PRKG1: variants seen among roughly 807,000 people sequenced by gnomAD.
The protein encoded by PRKG1 is protein kinase cGMP-dependent 1, also known as cGMP-dependent protein kinase 1.
A neutral mutation model predicts 88.1 loss-of-function variants in PRKG1; 35 were observed. The ratio of observed to expected loss-of-function variants is 0.40; its 90% CI spans 0.30 to 0.53. PRKG1 has a LOEUF of 0.53. Among genes scored for constraint, PRKG1 ranks in the 20% least tolerant of loss-of-function variants. PRKG1 has a pLI of 0.59. For missense variants in PRKG1, 540 were observed against 839.8 expected (o/e 0.64, Z 4.41); for synonymous variants, 303 against 292.5 (o/e 1.04, Z -0.37).
rs761254498 is a variant in PRKG1 at position 51,944,899 on chromosome 10, T to C, written c.762+37329T>C. Among the ~76,000 whole-genome samples, 1,243 of 151,880 alleles carry C rather than the reference T, an allele frequency of 8.2e-3. 6 individuals carry two copies. The highest frequency in any genetic ancestry group is 0.011 in the Non-Finnish European group (752 of 67,984). ...AGTATGTGGTCAGTTTTGGAATAGGTGTGGTGTGGTGCTGAAAAAAATGTA... is the reference window on the plus strand; with the variant it reads ...AGTATGTGGTCAGTTTTGGAATAGGCGTGGTGTGGTGCTGAAAAAAATGTA... On this transcript the variant is annotated intron_variant, in intron 5 of 17. Transcript: ENST00000373980.
chr10:51,087,802 G>A (rs912634818), intron 1 of PRKG1, among the ~76,000 whole-genome samples: 7 of 152,144 alleles, frequency 4.6e-5, no homozygotes, highest in African/African-American at 1.7e-4. Flanking sequence ...TCTCACTCTA[G>A]TGACCAGGAT....
Position 52,296,161 on chromosome 10 carries a change from A to T in PRKG1, c.*2261A>T, listed in dbSNP as rs561557069. 6.6e-6 allele frequency: 1 copy of T among 152,050 alleles called. No homozygotes were observed. Among genetic ancestry groups the T allele is most frequent in the Non-Finnish European group, 1.5e-5 (1 of 67,922 alleles). The allele number at this position is 152,050 out of a possible 1,614,324, so 9.4% of individuals were successfully genotyped here. A position where few individuals can be genotyped will look rare whatever the true frequency, so the allele number is the denominator to read the frequency against. ...GCTAGAATACTAAATTTACCTTGTT[A>T]TTTGGAAAGAGAATCTGCTCCTATA... On this transcript the variant is annotated 3_prime_UTR_variant, in exon 18 of 18. Transcript: ENST00000373980.
intron 1 of PRKG1, among the ~76,000 whole-genome samples, chr10:51,116,813 C>CG (rs1845133617): frequency 6.6e-6 from 1 of 152,026 alleles, no homozygotes; most frequent in African/African-American, 2.4e-5. Flanking sequence ...TATTGAACAG[C>CG]GGGGGAATTC....
At chr10:51,855,198 CTCTA>C (rs1840649691) in intron 4 of PRKG1, among the ~76,000 whole-genome samples, 1 of 152,146 alleles carries the variant, frequency 6.6e-6, no homozygotes, top group African/African-American at 2.4e-5. Flanking sequence ...CTGCTGTACT[CTCTA>C]TCTTTCAGCC....
At chr10:51,330,104 C>G (rs544457761) in intron 2 of PRKG1, among the ~76,000 whole-genome samples, 8 of 118,970 alleles carry the variant, frequency 6.7e-5, no homozygotes, top group African/African-American at 2.6e-4. Flanking sequence ...TACATTTGCT[C>G]TTTTATTTAT....
chr10:51,763,411 C>T (rs972042725), intron 3 of PRKG1, among the ~76,000 whole-genome samples: 4 of 151,634 alleles, frequency 2.6e-5, no homozygotes, highest in African/African-American at 9.7e-5. Flanking sequence ...AATTTAAAAA[C>T]TACACAGCTA....
At chr10:51,190,103 TAAC>T (rs1361877731) in intron 2 of PRKG1, among the ~76,000 whole-genome samples, 1 of 151,994 alleles carries the variant, frequency 6.6e-6, no homozygotes, top group African/African-American at 2.4e-5. Flanking sequence ...AGTTCATACG[TAAC>T]AACATTGTTG....
chr10:51,314,956 A>G (rs1260534752), intron 2 of PRKG1, among the ~76,000 whole-genome samples: 1 of 152,180 alleles, frequency 6.6e-6, no homozygotes, highest in African/African-American at 2.4e-5. Flanking sequence ...ATTTTTCCAA[A>G]ACAACTGTAA....
At chr10:51,809,802 A>G (rs772557067) in intron 4 of PRKG1, among the ~76,000 whole-genome samples, 1 of 152,028 alleles carries the variant, frequency 6.6e-6, no homozygotes, top group Non-Finnish European at 1.5e-5. Flanking sequence ...ATATCTTCCC[A>G]TCACTCCTAG....
chr10:52,067,762 C>A, intron 7 of PRKG1, among the ~76,000 whole-genome samples: 1 of 151,182 alleles, frequency 6.6e-6, no homozygotes. Flanking sequence ...TTATACACAC[C>A]AAAGAGAGGG....
chr10:52,150,736 A>G (rs1025405300), intron 8 of PRKG1, among the ~76,000 whole-genome samples: 4 of 152,214 alleles, frequency 2.6e-5, no homozygotes, highest in African/African-American at 9.6e-5. Flanking sequence ...GTCTACTAAA[A>G]CAGATACCTT....
intron 3 of PRKG1, among the ~76,000 whole-genome samples, chr10:51,591,082 A>G (rs1018341327): frequency 1.3e-5 from 2 of 152,324 alleles, no homozygotes; most frequent in Admixed American, 1.3e-4. Flanking sequence ...CACAAGGAAC[A>G]GTAGAAACAA....
chr10:52,262,298 G>C (rs1589742557), intron 10 of PRKG1, among the ~76,000 whole-genome samples: 1 of 151,992 alleles, frequency 6.6e-6, no homozygotes, highest in East Asian at 1.9e-4. Flanking sequence ...TTGAGATAGA[G>C]TCTTGCTCTG....
intron 3 of PRKG1, among the ~76,000 whole-genome samples, chr10:51,796,889 T>A (rs138506471): frequency 6.6e-6 from 1 of 152,078 alleles, no homozygotes; most frequent in Admixed American, 6.6e-5. Context: ...AATACCCGCT[T>A]ATGTGTCTAT....
intron 2 of PRKG1, among the ~76,000 whole-genome samples, chr10:51,386,862 T>A (rs1837265423): frequency 6.6e-6 from 1 of 152,202 alleles, no homozygotes; most frequent in Non-Finnish European, 1.5e-5. Flanking sequence ...AATGGTTACC[T>A]GCTTTGGAAT....
intron 9 of PRKG1, among the ~76,000 whole-genome samples, chr10:52,166,456 C>T (rs1461698188): frequency 5.2e-5 from 6 of 115,318 alleles, no homozygotes; most frequent in Non-Finnish European, 8.4e-5. Flanking sequence ...TTTTTTGAGA[C>T]GGAGTCTCGC....
chr10:51,491,033 G>A (rs1840696178), intron 3 of PRKG1, among the ~76,000 whole-genome samples: 1 of 152,034 alleles, frequency 6.6e-6, no homozygotes, highest in African/African-American at 2.4e-5. Context: ...CCTTCTAGGT[G>A]ATTTCATAGA....
chr10:51,983,790 A>G (rs1050678635), intron 5 of PRKG1, among the ~76,000 whole-genome samples: 7 of 152,186 alleles, frequency 4.6e-5, no homozygotes, highest in Non-Finnish European at 7.3e-5. Context: ...CCAGAAGCCC[A>G]TGGCGAGAAG....
At chr10:51,747,607 G>A (rs7898337) in intron 3 of PRKG1, among the ~76,000 whole-genome samples, 19,725 of 152,122 alleles carry the variant, frequency 0.13, 1,804 homozygotes, top group African/African-American at 0.25. Flanking sequence ...ACACCAGGTG[G>A]TTAGCAACAT....
Sources: gnomAD v4.1 joint callset for allele counts (sites outside exome capture counted in the v4.1 genomes callset) on GRCh38, gnomAD v4.1.1 for gene constraint, MANE v1.5 for transcripts, NCBI Gene and HGNC (gene_info 2026-07-23, HGNC 2026-07-21) for gene names.